Variants in MSH6 observed in about 807,000 individuals in gnomAD.
MSH6 encodes DNA mismatch repair protein Msh6.
A neutral mutation model predicts 119.1 loss-of-function variants in MSH6; 85 were observed. The ratio of observed to expected loss-of-function variants is 0.71; its 90% CI spans 0.60 to 0.85. MSH6 has a LOEUF of 0.85. Ranked by LOEUF, MSH6 falls within the 40% of genes least tolerant of loss-of-function variation. The probability of loss-of-function intolerance (pLI) is 0.00; values close to 1 mark genes in which losing one functional copy is unlikely to be tolerated. For missense variants in MSH6, 2,163 were observed against 1,655.3 expected (o/e 1.31, Z -5.32); for synonymous variants, 830 against 586.9 (o/e 1.41, Z -5.99).
intron 8 of MSH6, 22 bp downstream of exon 8, chr2:47,806,380 C>A (rs1277148566): frequency 6.2e-7 from 1 of 1,613,686 alleles, no homozygotes; most frequent in Admixed American, 1.7e-5. Flanking sequence ...TTGTTTTTTT[C>A]CACAAATTCG....
chr2:47,805,813 GT>G, intron 7 of MSH6, 106 bp downstream of exon 7: 1 of 916,914 alleles, frequency 1.1e-6, no homozygotes, highest in Non-Finnish European at 1.8e-6. Context: ...CAATATGAAT[GT>G]TTTTAGAGCA....
At chr2:47,796,621 A>T (rs1029392923) in intron 3 of MSH6, among the ~76,000 whole-genome samples, 1 of 152,238 alleles carries the variant, frequency 6.6e-6, no homozygotes, top group Admixed American at 6.5e-5. Context: ...AAACCTTGAA[A>T]TACAACCTTG....
chr2:47,784,852 A>AGTCT, intron 1 of MSH6: 1 of 152,260 alleles, frequency 6.6e-6, no homozygotes, highest in African/African-American at 2.4e-5. Context: ...TTTGAGACAG[A>AGTCT]GTCTTGCTCT....
In MSH6 at chr2:47,801,121, C is replaced by CT; in HGVS notation, c.3139dup (p.Trp1047LeufsTer19). 1 of 1,612,246 alleles carries CT rather than the reference C, an allele frequency of 6.2e-7. No homozygotes were observed. Reference sequence around the variant, plus strand: ...ATAACTTTGATAAAAATTACAAGGACTGGCAGTCTGCTGTAGAGTGTATCG... The same window carrying CT: ...ATAACTTTGATAAAAATTACAAGGACTTGGCAGTCTGCTGTAGAGTGTATCG... On this transcript the variant is annotated frameshift_variant, in exon 4 of 10. Transcript: ENST00000234420. LOFTEE classifies it high-confidence loss of function.
At chr2:47,786,093 G>A (rs1231446117) in intron 1 of MSH6, among the ~76,000 whole-genome samples, 1 of 152,160 alleles carries the variant, frequency 6.6e-6, no homozygotes. Flanking sequence ...AGAGGATGCG[G>A]GTCAGGCTAG....
At position 47,799,512 on chromosome 2, in the gene MSH6, G is replaced by A. The variant is rs864622572; in HGVS notation, c.1529G>A (p.Arg510Lys). The A allele has an allele frequency of 2.5e-6, 4 of 1,614,042 alleles. No individual in the cohort carries two copies. Among genetic ancestry groups the A allele is most frequent in the Non-Finnish European group, 3.4e-6 (4 of 1,180,036 alleles). The change falls in exon 4 of 10, where the codon AGG becomes AAG. Residue 510 changes from arginine to lysine, a missense_variant. Physicochemically the swap from Arg to Lys is conservative, Grantham distance 26. Coordinates refer to ENST00000234420, the MANE Select transcript of MSH6 (RefSeq NM_000179.3). ...ATATCCAAGTATGATAGAGTGGTGA[G>A]GAGGGAGATCTGTAGGATCATTACC... ...AHISKYDRVV[R>K]REICRIITKG...
intron 1 of MSH6, among the ~76,000 whole-genome samples, chr2:47,788,615 G>A (rs1668499028): frequency 7.0e-6 from 1 of 143,442 alleles, no homozygotes; most frequent in Admixed American, 7.1e-5. Context: ...TGTTACCCAG[G>A]CTGGAGTGTA....
At chr2:47,809,809 A>G (rs180908320), downstream of MSH6, 1,244 of 709,344 alleles carry the variant, frequency 1.8e-3, 2 homozygotes, top group Non-Finnish European at 2.4e-3. Flanking sequence ...ATAGAAGTAC[A>G]TTAACCCTCT....
intron 4 of MSH6, 163 bp downstream of exon 4, chr2:47,801,318 T>A: frequency 1.7e-6 from 1 of 596,804 alleles, no homozygotes; most frequent in Non-Finnish European, 2.8e-6. Flanking sequence ...TTTAAGTTAC[T>A]TGAAACTCGC....
chr2:47,783,532 C>T (rs760159315), intron 1 of MSH6, 39 bp downstream of exon 1: 5 of 1,370,900 alleles, frequency 3.6e-6, no homozygotes, highest in South Asian at 1.7e-5. Flanking sequence ...GGGGGCATAG[C>T]GGCGGGGCGC....
At chr2:47,809,661 C>A (rs1248577579), downstream of MSH6, 2 of 1,613,650 alleles carry the variant, frequency 1.2e-6, no homozygotes, top group Non-Finnish European at 1.7e-6. Context: ...TGTTAAAAAT[C>A]TGATTGCCTT....
chr2:47,794,386 C>G (rs1050065922), intron 2 of MSH6, among the ~76,000 whole-genome samples: 1 of 151,936 alleles, frequency 6.6e-6, no homozygotes, highest in South Asian at 2.1e-4. Flanking sequence ...ATCCTCCTGC[C>G]TCAGTCTCCT....
At position 47,803,657 on chromosome 2, in the gene MSH6, T is replaced by TG. The variant is rs587781544; in HGVS notation, c.3416dup (p.Lys1140GlnfsTer24). ...TGTGTGCTTGTTACTGGACCAAATA[T>TG]GGGGGGCAAGTCTACGCTTATGAGA... On this transcript the variant is annotated frameshift_variant, in exon 5 of 10. Transcript: ENST00000234420. LOFTEE classifies it high-confidence loss of function. 1.2e-6 allele frequency: 2 copies of TG among 1,614,146 alleles called. No individual in the cohort carries two copies. The highest frequency in any genetic ancestry group is 1.7e-6 in the Non-Finnish European group (2 of 1,180,032).
chr2:47,809,391 GAAGT>G, downstream of MSH6: 1 of 699,688 alleles, frequency 1.4e-6, no homozygotes, highest in South Asian at 2.0e-5. Flanking sequence ...GCTAACCAAT[GAAGT>G]AATTGTAAGA....
chr2:47,808,315 A>G, downstream of MSH6: 1 of 1,612,562 alleles, frequency 6.2e-7, no homozygotes, highest in Non-Finnish European at 8.5e-7. Flanking sequence ...ATATCAAGCA[A>G]GTGTGCTACA....
chr2:47,784,168 G>T (rs558521599), intron 1 of MSH6: 2 of 1,004,196 alleles, frequency 2.0e-6, no homozygotes, highest in East Asian at 7.6e-5. Context: ...TCACCATGGG[G>T]ACCGCGGGGC....
rs781627838 is a variant in MSH6 at position 47,805,659 on chromosome 2, A to G, written c.3598A>G (p.Ile1200Val). ...FFVELSETAS[I>V]LMHATAHSLV... Reference sequence around the variant, plus strand: ...TGTTGAATTAAGTGAAACTGCCAGCATACTCATGCATGCAACAGCACATTC... The same window carrying G: ...TGTTGAATTAAGTGAAACTGCCAGCGTACTCATGCATGCAACAGCACATTC... The change falls in exon 7 of 10, where the codon ATA (isoleucine) becomes GTA (valine). Residue 1200 changes from isoleucine (I) to valine (V), a missense_variant. Physicochemically the swap from Ile to Val is conservative, Grantham distance 29. Transcript: ENST00000234420. The G allele has an allele frequency of 1.2e-6, 2 of 1,613,900 alleles. No homozygotes were observed. Among genetic ancestry groups the G allele is most frequent in the Admixed American group, 1.7e-5 (1 of 60,002 alleles).
chr2:47,792,012 A>C (rs1168634320), intron 2 of MSH6, among the ~76,000 whole-genome samples: 1 of 152,060 alleles, frequency 6.6e-6, no homozygotes, highest in African/African-American at 2.4e-5. Context: ...AAGCCCAGCT[A>C]ATTTTTTATT....
At position 47,804,133 on chromosome 2, in the gene MSH6, C is replaced by T. The variant is rs961562381; in HGVS notation, c.3438+448C>T. The stretch of plus-strand genomic sequence containing the variant: ...GCTCTTTAGGGATGACATGCTGGCC[C>T]TTTTTTTTTTGTTGTTGCCAAGGCT... On this transcript the variant is annotated intron_variant, in intron 5 of 9. Transcript: ENST00000234420. Among the ~76,000 whole-genome samples the T allele has an allele frequency of 1.2e-4, 18 of 149,374 alleles. No homozygotes were observed. The East Asian group carries it at 1.6e-3, about 13-fold the overall frequency.
Sources: allele counts gnomAD v4.1 joint callset (sites outside exome capture counted in the v4.1 genomes callset), GRCh38; gene constraint gnomAD v4.1.1; transcripts MANE v1.5; gene names NCBI Gene and HGNC (gene_info 2026-07-23, HGNC 2026-07-21).